PDE1C: variants seen among roughly 807,000 people sequenced by gnomAD.
PDE1C encodes dual specificity calcium/calmodulin-dependent 3',5'-cyclic nucleotide phosphodiesterase 1C.
A neutral mutation model predicts 93.1 loss-of-function variants in PDE1C; 62 were observed. The ratio of observed to expected loss-of-function variants is 0.67; its 90% CI spans 0.54 to 0.82. The LOEUF (loss-of-function observed/expected upper bound fraction) is 0.82. PDE1C is among the 40% of genes least tolerant of loss of function. PDE1C has a pLI of 0.00. For synonymous variants in PDE1C, 325 were observed against 310.1 expected (o/e 1.05, Z -0.50); for missense variants, 742 against 884.6 (o/e 0.84, Z 2.04).
the PDE1C span, among the ~76,000 whole-genome samples, chr7:31,683,622 G>T: frequency 7.9e-5 from 12 of 152,206 alleles, no homozygotes; most frequent in South Asian, 2.5e-3. Flanking sequence ...GATCCAGCAA[G>T]ATCTCTGGGA....
chr7:32,332,496 T>C (rs1291787446), intron 1 of PDE1C, among the ~76,000 whole-genome samples: 1 of 152,012 alleles, frequency 6.6e-6, no homozygotes, highest in Non-Finnish European at 1.5e-5. Flanking sequence ...TAAAGCTAAA[T>C]ATACACACAC....
chr7:32,055,250 C>G lies in PDE1C; in HGVS notation c.102-3670G>C, dbSNP rs569018856. Among the ~76,000 whole-genome samples the G allele has an allele frequency of 4.1e-4, 62 of 152,138 alleles. No homozygotes were observed. In the South Asian group the frequency reaches 0.013, roughly 31 times the overall value. On this transcript the variant is annotated intron_variant, in intron 1 of 17. Coordinates refer to ENST00000396191, the MANE Select transcript of PDE1C (RefSeq NM_001191057.4). Reference sequence around the variant, plus strand: ...TATAATGAGCAGTGAGGACATCCACCACAGCTGTGGTTTCCTACACACAGA... The same window carrying G: ...TATAATGAGCAGTGAGGACATCCACGACAGCTGTGGTTTCCTACACACAGA...
chr7:32,047,365 G>T (rs1265750679), intron 2 of PDE1C, among the ~76,000 whole-genome samples: 3 of 152,034 alleles, frequency 2.0e-5, no homozygotes, highest in African/African-American at 4.8e-5. Flanking sequence ...TGACCCTCAT[G>T]AACAAGATTC....
At chr7:32,084,140 T>C (rs1208441242) in intron 3 of PDE1C, among the ~76,000 whole-genome samples, 1 of 151,760 alleles carries the variant, frequency 6.6e-6, no homozygotes, top group Admixed American at 6.6e-5. Context: ...AGGCTCAAGA[T>C]AAAAGGATGG....
intron 2 of PDE1C, among the ~76,000 whole-genome samples, chr7:31,970,166 G>GA (rs1376828942): frequency 2.8e-4 from 43 of 151,870 alleles, no homozygotes; most frequent in Non-Finnish European, 1.3e-4. Context: ...TTTTAAAAAA[G>GA]AAAAAAGTGT....
At chr7:32,383,240 GC>G (rs1379283222) in intron 1 of PDE1C, among the ~76,000 whole-genome samples, 1 of 152,156 alleles carries the variant, frequency 6.6e-6, no homozygotes, top group African/African-American at 2.4e-5. Flanking sequence ...CGAGTTCTCA[GC>G]CATAAGTAAC....
chr7:31,640,365 TA>T, the PDE1C span, among the ~76,000 whole-genome samples: 3 of 152,292 alleles, frequency 2.0e-5, no homozygotes, highest in Admixed American at 6.5e-5. Context: ...CTCAGCTGAA[TA>T]CTCAAGAGAG....
At chr7:32,415,619 G>A (rs1359161049) in intron 1 of PDE1C, among the ~76,000 whole-genome samples, 2 of 151,904 alleles carry the variant, frequency 1.3e-5, no homozygotes, top group African/African-American at 4.8e-5. Flanking sequence ...CTCCTCACCG[G>A]CTTCTCTTAC....
chr7:32,045,788 A>G (rs77830498), intron 2 of PDE1C, among the ~76,000 whole-genome samples: 9,416 of 152,258 alleles, frequency 0.062, 416 homozygotes, highest in African/African-American at 0.12. Flanking sequence ...GATGTACCAC[A>G]TCCCATCCTA....
At chr7:31,629,278 C>G in the PDE1C span, among the ~76,000 whole-genome samples, 1 of 40,772 alleles carries the variant, frequency 2.5e-5, no homozygotes, top group East Asian at 1.1e-3. Context: ...TGTGTTTAAA[C>G]AACACAATCT....
the PDE1C span, chr7:31,687,318 A>C: frequency 1.3e-5 from 2 of 152,276 alleles, no homozygotes; most frequent in Non-Finnish European, 2.9e-5. Context: ...TAAGTGCTTC[A>C]GATTTTTACT....
intron 2 of PDE1C, among the ~76,000 whole-genome samples, chr7:31,990,439 C>G (rs1199799687): frequency 6.6e-6 from 1 of 152,118 alleles, no homozygotes. Context: ...ACCTCTTTTT[C>G]TTTATAAATT....
At chr7:31,818,915 G>A (rs1478355087) in intron 14 of PDE1C, among the ~76,000 whole-genome samples, 1 of 152,132 alleles carries the variant, frequency 6.6e-6, no homozygotes, top group African/African-American at 2.4e-5. Context: ...CTGAGCAAGA[G>A]AAATTCATTT....
At chr7:32,164,391 A>G (rs1374556072) in intron 3 of PDE1C, among the ~76,000 whole-genome samples, 2 of 152,242 alleles carry the variant, frequency 1.3e-5, no homozygotes, top group African/African-American at 4.8e-5. Context: ...TCCAAAGTGC[A>G]CACTCAAATT....
chr7:31,864,910 TG>T (rs766202363), intron 7 of PDE1C, 31 bp downstream of exon 7: 1 of 1,602,074 alleles, frequency 6.2e-7, no homozygotes, highest in Non-Finnish European at 8.5e-7. Flanking sequence ...TTACATCTTT[TG>T]GGGAACCTAA....
chr7:31,691,772 T>C, the PDE1C span, among the ~76,000 whole-genome samples: 1 of 119,584 alleles, frequency 8.4e-6, no homozygotes, highest in Non-Finnish European at 1.7e-5. Context: ...CTTTACTTTA[T>C]ACAATAGTTG....
chr7:31,900,207 TA>T (rs752585323), intron 2 of PDE1C, among the ~76,000 whole-genome samples: 5 of 152,184 alleles, frequency 3.3e-5, no homozygotes, highest in African/African-American at 4.8e-5. Flanking sequence ...AATTGTTTTA[TA>T]AGTCTTTCCA....
At position 31,766,241 on chromosome 7, in the gene PDE1C, G is replaced by A. The variant is rs191023358; in HGVS notation, c.1960+9423C>T. Among the ~76,000 whole-genome samples, 148 of 152,074 alleles carry A rather than the reference G, an allele frequency of 9.7e-4. 1 individual carries two copies. The highest frequency in any genetic ancestry group is 3.3e-3 in the African/African-American group (138 of 41,484). ...CCACTAAAAATACAAAAAATTAGCC[G>A]GGTGTGGTGGCGGGCGACTGTAGTC... On this transcript the variant is annotated intron_variant, in intron 17 of 17. Transcript: ENST00000396191.
the PDE1C span, among the ~76,000 whole-genome samples, chr7:31,713,027 T>A: frequency 6.6e-6 from 1 of 152,148 alleles, no homozygotes. Flanking sequence ...TGTCCTCACA[T>A]TTCAAAACCA....
Sources: gnomAD v4.1 joint callset for allele counts (sites outside exome capture counted in the v4.1 genomes callset) on GRCh38, gnomAD v4.1.1 for gene constraint, MANE v1.5 for transcripts, NCBI Gene and HGNC (gene_info 2026-07-23, HGNC 2026-07-21) for gene names.